Variants in FREM3 observed in about 807,000 individuals in gnomAD.
FREM3 encodes the protein FRAS1 related extracellular matrix 3.
FREM3 carries 105 observed loss-of-function variants against 129.1 expected under a neutral mutation model. That is an observed-to-expected ratio of 0.81 (90% confidence interval 0.69 to 0.96). The LOEUF (loss-of-function observed/expected upper bound fraction) is 0.96. FREM3 is among the 40% of genes least tolerant of loss of function. The probability of loss-of-function intolerance (pLI) is 0.00; values close to 1 mark genes in which losing one functional copy is unlikely to be tolerated. For synonymous variants in FREM3, 1,014 were observed against 1,044.9 expected (o/e 0.97, Z 0.57); for missense variants, 2,593 against 2,666.3 (o/e 0.97, Z 0.61).
At chr4:143,589,272 T>C (rs537200924) in intron 6 of FREM3, among the ~76,000 whole-genome samples, 3 of 152,340 alleles carry the variant, frequency 2.0e-5, no homozygotes, top group Admixed American at 6.5e-5. Context: ...ATTTTGGCTT[T>C]TGTTGCCATT....
intron 2 of FREM3, among the ~76,000 whole-genome samples, chr4:143,653,253 G>A (rs745882125): frequency 6.6e-6 from 1 of 152,186 alleles, no homozygotes; most frequent in East Asian, 1.9e-4. Context: ...TGAAGTCAAC[G>A]TATTAGCTGG....
At chr4:143,646,326 G>T (rs895602444) in intron 2 of FREM3, among the ~76,000 whole-genome samples, 1 of 152,142 alleles carries the variant, frequency 6.6e-6, no homozygotes, top group Non-Finnish European at 1.5e-5. Flanking sequence ...ATTACTTAAG[G>T]TATTAGGACA....
At position 143,624,258 on chromosome 4, in the gene FREM3, C is replaced by T. The variant is rs749181779; in HGVS notation, c.5503G>A (p.Gly1835Arg). 14 of 1,536,986 alleles carry T rather than the reference C, an allele frequency of 9.1e-6. No homozygotes were observed. The highest frequency in any genetic ancestry group is 1.7e-4 in the Middle Eastern group (1 of 5,990). The change falls in exon 4 of 8, where the codon GGA (glycine) becomes AGA (arginine). Residue 1835 changes from glycine (G) to arginine (R), a missense_variant. Coordinates refer to ENST00000329798, the MANE Select transcript of FREM3 (RefSeq NM_001168235.2). ...ACCCTCCATGTGGCTGTAGTCTGTC[C>T]AGGATTGAACTGGATCTGTTTATTG... Reference protein sequence around the residue: ...KTNKQIQFNPGQTTATWRVRI... With the variant: ...KTNKQIQFNPRQTTATWRVRI...
At chr4:143,588,549 G>C (rs909535482) in intron 6 of FREM3, among the ~76,000 whole-genome samples, 9 of 151,948 alleles carry the variant, frequency 5.9e-5, no homozygotes, top group Admixed American at 1.3e-4. Context: ...CAGCTTCATC[G>C]ATGTCCCTAC....
chr4:143,674,551 TA>T, intron 2 of FREM3, among the ~76,000 whole-genome samples: 1 of 152,284 alleles, frequency 6.6e-6, no homozygotes, highest in East Asian at 1.9e-4. Flanking sequence ...ATATTAACCT[TA>T]AATGTAAATG....
rs1336688645 is a variant in FREM3 at position 143,695,966 on chromosome 4, G to A, written c.4710C>T (p.Asp1570=). ...LTVEDSDTPD[D]LILFTITQVP... ...CCTGGGTGATGGTAAAGAGAATAAG[G>A]TCATCTGGGGTATCACTGTCTTCCA... The change falls in exon 1 of 8, where the codon GAC becomes GAT. Residue 1570 remains aspartate, a synonymous_variant. Coordinates refer to ENST00000329798, the MANE Select transcript of FREM3 (RefSeq NM_001168235.2). The A allele has an allele frequency of 3.9e-6, 6 of 1,537,680 alleles. No homozygotes were observed. In the African/African-American group the frequency reaches 6.8e-5, roughly 18 times the overall value.
At chr4:143,637,609 G>A (rs1739255092) in intron 2 of FREM3, among the ~76,000 whole-genome samples, 2 of 152,072 alleles carry the variant, frequency 1.3e-5, no homozygotes, top group Admixed American at 6.6e-5. Context: ...CCTGGAGCTT[G>A]GAGGGACAGG....
chr4:143,610,055 A>G lies in FREM3; in HGVS notation c.6028+1224T>C, dbSNP rs143793962. Among the ~76,000 whole-genome samples, 28 of 152,338 alleles carry G rather than the reference A, an allele frequency of 1.8e-4. No individual in the cohort carries two copies. The East Asian group carries it at 5.4e-3, about 29-fold the overall frequency. ...ACAATCTTTGTTTTAATTCCAATGAAGAAATTTTTGAAAAGAAAAGTACAT... is the reference window on the plus strand; with the variant it reads ...ACAATCTTTGTTTTAATTCCAATGAGGAAATTTTTGAAAAGAAAAGTACAT... On this transcript the variant is annotated intron_variant, in intron 6 of 7. Transcript: ENST00000329798.
intron 1 of FREM3, among the ~76,000 whole-genome samples, chr4:143,694,618 T>C (rs886482069): frequency 2.0e-5 from 3 of 152,250 alleles, no homozygotes; most frequent in Non-Finnish European, 4.4e-5. Context: ...GTTATCACTG[T>C]TGTGATTGCA....
chr4:143,670,184 G>A (rs1739942946), intron 2 of FREM3, among the ~76,000 whole-genome samples: 2 of 152,142 alleles, frequency 1.3e-5, no homozygotes, highest in African/African-American at 4.8e-5. Context: ...GAGAAATTAA[G>A]TACATCTAGC....
Position 143,699,742 on chromosome 4 carries a change from T to C in FREM3, c.934A>G (p.Thr312Ala). 6.6e-7 allele frequency: 1 copy of C among 1,519,646 alleles called. No homozygotes were observed. The highest frequency in any genetic ancestry group is 1.2e-5 in the South Asian group (1 of 81,682). 94.1% of individuals were successfully genotyped at this position (1,519,646 alleles called of 1,614,324 possible). ...NTPPRPSFMA[T>A]MMMEVDPLVL... ...AGTGGATCCACCTCCATCATCATCG[T>C]GGCCATGAAGCTGGGCCTGGGCGGT... The change falls in exon 1 of 8, where the codon ACG becomes GCG. Residue 312 changes from threonine to alanine, a missense_variant. Thr to Ala is a moderately conservative substitution (Grantham distance 58). Around this residue, in one of 2 missense-constraint regions of FREM3, gnomAD observed 2,276 missense variants for 2,267.2 expected, o/e 1.00. Transcript: ENST00000329798. The surrounding 1 kb of genome is among the most constrained non-coding windows in gnomAD (Gnocchi z 4.2).
intron 4 of FREM3, among the ~76,000 whole-genome samples, chr4:143,623,003 G>C (rs1474683920): frequency 4.6e-5 from 7 of 152,140 alleles, no homozygotes; most frequent in Non-Finnish European, 7.4e-5. Context: ...TTAGGTGGTG[G>C]GGGCAGTGTT....
At chr4:143,625,616 G>A (rs1480134900) in intron 3 of FREM3, among the ~76,000 whole-genome samples, 3 of 152,164 alleles carry the variant, frequency 2.0e-5, no homozygotes, top group Admixed American at 6.5e-5. Flanking sequence ...AGTGAATGGT[G>A]TCCTCAGCCA....
intron 2 of FREM3, 141 bp from the exon 3 acceptor site, chr4:143,627,901 A>T (rs1739071238): frequency 1.6e-6 from 1 of 633,246 alleles, no homozygotes; most frequent in East Asian, 2.8e-5. Flanking sequence ...TGGTAGAGAG[A>T]GGAAATGTTG....
Position 143,697,172 on chromosome 4 carries a change from A to C in FREM3, c.3504T>G (p.Phe1168Leu). 6.5e-7 allele frequency: 1 copy of C among 1,537,884 alleles called. No individual in the cohort carries two copies. The highest frequency in any genetic ancestry group is 2.4e-5 in the East Asian group (1 of 40,908). The change falls in exon 1 of 8, where the codon TTT (phenylalanine) becomes TTG (leucine). Residue 1168 changes from phenylalanine to leucine, a missense_variant. By Grantham distance (22) the Phe-to-Leu change is conservative. Around this residue, in one of 2 missense-constraint regions of FREM3, gnomAD observed 2,276 missense variants for 2,267.2 expected, o/e 1.00. Coordinates refer to ENST00000329798, the MANE Select transcript of FREM3 (RefSeq NM_001168235.2). ...GVEPQEDQFT[F>L]YCSDGINFSP... is the part of the protein sequence containing the mutation. ...AGAAGTTGATGCCATCAGAGCAATA[A>C]AAGGTGAATTGGTCCTCTTGTGGCT...
At chr4:143,640,301 A>T (rs930113105) in intron 2 of FREM3, among the ~76,000 whole-genome samples, 1 of 152,218 alleles carries the variant, frequency 6.6e-6, no homozygotes, top group African/African-American at 2.4e-5. Flanking sequence ...GGGCTTAATC[A>T]ATACCTGTTG....
intron 2 of FREM3, among the ~76,000 whole-genome samples, chr4:143,686,300 A>G (rs1740362582): frequency 6.6e-6 from 1 of 152,184 alleles, no homozygotes; most frequent in African/African-American, 2.4e-5. Flanking sequence ...ATATGCACCT[A>G]ACACTGGAGC....
intron 2 of FREM3, among the ~76,000 whole-genome samples, chr4:143,655,452 T>C (rs1739584107): frequency 6.6e-6 from 1 of 152,172 alleles, no homozygotes; most frequent in Non-Finnish European, 1.5e-5. Flanking sequence ...CTGTATTTAG[T>C]GGTTAATAAA....
At chr4:143,687,848 A>C (rs1195495943) in intron 2 of FREM3, among the ~76,000 whole-genome samples, 1 of 152,122 alleles carries the variant, frequency 6.6e-6, no homozygotes, top group African/African-American at 2.4e-5. Context: ...AAATTGGCAC[A>C]CAAGGGACAT....
Sources: gnomAD v4.1 joint callset for allele counts (sites outside exome capture counted in the v4.1 genomes callset) on GRCh38, gnomAD v4.1.1 for gene constraint, gnomAD v4.1.1 regional missense constraint, Gnocchi (gnomAD v3.1) non-coding constraint, MANE v1.5 for transcripts, NCBI Gene and HGNC (gene_info 2026-07-23, HGNC 2026-07-21) for gene names.